SCAI: variants seen among roughly 807,000 people sequenced by gnomAD.
SCAI encodes the protein protein SCAI.
In SCAI, 24 loss-of-function variants were observed where a neutral mutation model predicts 92.2. The observed-to-expected ratio is 0.26, with a 90% CI of 0.19 to 0.37. SCAI has a LOEUF of 0.37. Ranked by LOEUF, SCAI falls within the 10% of genes least tolerant of loss-of-function variation. The probability of loss-of-function intolerance (pLI) is 1.00; values close to 1 mark genes in which losing one functional copy is unlikely to be tolerated. For missense variants in SCAI, 450 were observed against 736.2 expected, an observed-to-expected ratio of 0.61 and a Z score of 4.50; for synonymous variants, 261 against 258.6, an observed-to-expected ratio of 1.01 and a Z score of -0.09.
intron 2 of SCAI, among the ~76,000 whole-genome samples, chr9:125,090,817 C>T (rs1834414907): frequency 6.6e-6 from 1 of 151,964 alleles, no homozygotes. Context: ...GCCAGTGGCT[C>T]AAATGAGAAA....
At position 125,135,796 on chromosome 9, in the gene SCAI, C is replaced by T. The variant is rs552881738; in HGVS notation, c.98+6837G>A. ...ACCAGCCTAACGAACATGGAGAAAC[C>T]CCATCTCTACTAAAAATACAAAATT... On this transcript the variant is annotated intron_variant, in intron 2 of 17. Transcript: ENST00000336505. Among the ~76,000 whole-genome samples the T allele has an allele frequency of 2.0e-5, 3 of 151,882 alleles. No individual in the cohort carries two copies. The South Asian group carries it at 6.2e-4, about 32-fold the overall frequency.
At chr9:124,970,853 CG>C (rs1447324845) in intron 17 of SCAI, among the ~76,000 whole-genome samples, 1 of 151,910 alleles carries the variant, frequency 6.6e-6, no homozygotes, top group Non-Finnish European at 1.5e-5. Context: ...TCGTTCTTGT[CG>C]TCCAGGCTGG....
intron 15 of SCAI, among the ~76,000 whole-genome samples, chr9:124,973,287 C>T (rs1831694552): frequency 6.6e-6 from 1 of 152,216 alleles, no homozygotes; most frequent in South Asian, 2.1e-4. Flanking sequence ...ACTAAGAATG[C>T]TCAACCTGTA....
intron 2 of SCAI, among the ~76,000 whole-genome samples, chr9:125,116,892 G>A (rs1453977286): frequency 6.6e-6 from 1 of 152,122 alleles, no homozygotes; most frequent in African/African-American, 2.4e-5. Context: ...AAGAATGTCT[G>A]AACTCTCATT....
intron 15 of SCAI, among the ~76,000 whole-genome samples, chr9:124,973,597 C>G (rs991566385): frequency 6.6e-6 from 1 of 152,070 alleles, no homozygotes; most frequent in African/African-American, 2.4e-5. Context: ...CTTTTGGAGG[C>G]GGAGGCGGGC....
rs77278003 is a variant in SCAI, at chr9:125,022,214, G to A, written c.513-1445C>T. Among the ~76,000 whole-genome samples, 97 of 151,914 alleles carry A rather than the reference G, an allele frequency of 6.4e-4. No homozygotes were observed. The East Asian group carries it at 0.012, about 19-fold the overall frequency. ...ACACTTTGCTTTATCATAATGCTAC[G>A]TTATTAGGTATATATAAGTTTATGA... On this transcript the variant is annotated intron_variant, in intron 6 of 17. Coordinates refer to ENST00000336505, the MANE Select transcript of SCAI (RefSeq NM_001144877.3).
At chr9:125,029,809 G>A (rs549279448) in intron 3 of SCAI, 70 bp from the exon 4 acceptor site, 39 of 874,530 alleles carry the variant, frequency 4.5e-5, no homozygotes, top group Non-Finnish European at 6.2e-5. Flanking sequence ...TCTTGTGATG[G>A]TACAAACCAG....
At chr9:125,081,128 G>A (rs748012173) in intron 2 of SCAI, among the ~76,000 whole-genome samples, 1 of 152,252 alleles carries the variant, frequency 6.6e-6, no homozygotes, top group Non-Finnish European at 1.5e-5. Flanking sequence ...TCTCAGGTAT[G>A]TCTTTGTGAG....
At chr9:125,070,691 A>G (rs900312242) in intron 2 of SCAI, among the ~76,000 whole-genome samples, 7 of 152,104 alleles carry the variant, frequency 4.6e-5, no homozygotes, top group African/African-American at 1.4e-4. Context: ...GAGCCACCAC[A>G]CCAGGCCAAA....
intron 3 of SCAI, among the ~76,000 whole-genome samples, chr9:125,039,596 T>C (rs1833278499): frequency 6.6e-6 from 1 of 152,072 alleles, no homozygotes; most frequent in Non-Finnish European, 1.5e-5. Flanking sequence ...GGTAGGCAAT[T>C]AGATGTGAGT....
Position 125,018,949 on chromosome 9 carries a change from C to G in SCAI, c.711G>C (p.Ala237=). ...CATCATTTAATACCATTACAGGATC[C>G]GCCTAAAGAAAAAAGCAATAAGAAC... is the stretch of plus-strand genomic sequence containing the variant. The part of the protein sequence containing the change: ...VLQEVAAFIE[A]DPVMVLNDDN... Residue 237 remains alanine, a splice_region_variant and synonymous_variant, in exon 9 of 18, where the codon GCG becomes GCC. Transcript: ENST00000336505. The G allele has an allele frequency of 6.2e-7, 1 of 1,609,558 alleles. No homozygotes were observed. The highest frequency in any genetic ancestry group is 8.5e-7 in the Non-Finnish European group (1 of 1,178,830).
chr9:125,018,374 G>T (rs1406904106), intron 9 of SCAI, among the ~76,000 whole-genome samples: 1 of 152,100 alleles, frequency 6.6e-6, no homozygotes, highest in Non-Finnish European at 1.5e-5. Flanking sequence ...GAGATTCCAG[G>T]TGTGAGCCAC....
intron 2 of SCAI, 76 bp downstream of exon 2, chr9:125,142,557 A>G: frequency 2.9e-6 from 3 of 1,018,528 alleles, no homozygotes; most frequent in South Asian, 1.3e-5. Flanking sequence ...CTGACAGTAT[A>G]CAATTATGCA....
intron 2 of SCAI, among the ~76,000 whole-genome samples, chr9:125,099,848 T>C (rs1174734855): frequency 1.3e-5 from 2 of 152,254 alleles, no homozygotes; most frequent in East Asian, 3.8e-4. Flanking sequence ...TCATCCATGT[T>C]GTAGCATGTG....
chr9:125,012,479 C>G (rs1832659696), intron 9 of SCAI, among the ~76,000 whole-genome samples: 1 of 152,178 alleles, frequency 6.6e-6, no homozygotes, highest in South Asian at 2.1e-4. Flanking sequence ...CAAGAGCTAA[C>G]TAGCCTAAAT....
At chr9:125,013,281 A>T (rs2131060676) in intron 9 of SCAI, among the ~76,000 whole-genome samples, 1 of 152,300 alleles carries the variant, frequency 6.6e-6, no homozygotes, top group Admixed American at 6.5e-5. Context: ...ATAGACTGCT[A>T]GCAAGACTAA....
intron 2 of SCAI, among the ~76,000 whole-genome samples, chr9:125,098,766 T>C (rs1834616288): frequency 6.6e-6 from 1 of 152,244 alleles, no homozygotes; most frequent in South Asian, 2.1e-4. Context: ...TATTAAACTT[T>C]CAGTCTGTCT....
intron 2 of SCAI, among the ~76,000 whole-genome samples, chr9:125,075,073 G>C (rs1834060890): frequency 6.6e-6 from 1 of 152,078 alleles, no homozygotes; most frequent in African/African-American, 2.4e-5. Context: ...AAGATGCATG[G>C]AATGACTATT....
intron 2 of SCAI, among the ~76,000 whole-genome samples, chr9:125,107,069 CT>C (rs368107269): frequency 3.7e-4 from 56 of 151,844 alleles, no homozygotes; most frequent in African/African-American, 1.3e-3. Flanking sequence ...GATACATATT[CT>C]ACTAGGTTTC....
Sources: allele counts gnomAD v4.1 joint callset (sites outside exome capture counted in the v4.1 genomes callset), GRCh38; gene constraint gnomAD v4.1.1; transcripts MANE v1.5; gene names NCBI Gene and HGNC (gene_info 2026-07-23, HGNC 2026-07-21).